The following PTPRJ variants were observed in gnomAD, a reference collection of about 807,000 sequenced individuals.
The protein encoded by PTPRJ is protein tyrosine phosphatase receptor type J.
PTPRJ carries 129 observed loss-of-function variants against 141.3 expected under a neutral mutation model. That is an observed-to-expected ratio of 0.91 (90% confidence interval 0.79 to 1.06). The LOEUF (loss-of-function observed/expected upper bound fraction) is 1.06, where lower values mean the gene tolerates loss of function less well. Among genes scored for constraint, PTPRJ ranks in the 50% least tolerant of loss-of-function variants. The pLI, the probability that PTPRJ is intolerant of heterozygous loss-of-function variation, is 0.00. For missense variants in PTPRJ, 1,601 were observed against 1,679.7 expected, an observed-to-expected ratio of 0.95 and a Z score of 0.82; for synonymous variants, 610 against 640.5, an observed-to-expected ratio of 0.95 and a Z score of 0.72.
intron 11 of PTPRJ, among the ~76,000 whole-genome samples, chr11:48,142,437 AAGT>A (rs1857253503): frequency 1.3e-5 from 2 of 152,078 alleles, no homozygotes; most frequent in Admixed American, 1.3e-4. Context: ...GAGTAGTGTC[AAGT>A]CTTCCAACAA....
chr11:48,063,639 C>T (rs1393011997), intron 1 of PTPRJ, among the ~76,000 whole-genome samples: 2 of 152,176 alleles, frequency 1.3e-5, no homozygotes, highest in Non-Finnish European at 2.9e-5. Flanking sequence ...CATTTTTAGG[C>T]TACTTTTGCT....
chr11:48,053,128 A>T (rs1225637826), intron 1 of PTPRJ, among the ~76,000 whole-genome samples: 3 of 118,464 alleles, frequency 2.5e-5, no homozygotes, highest in African/African-American at 3.3e-5. Flanking sequence ...TATTATATAT[A>T]AATATATAAA....
chr11:47,992,713 G>C (rs771654765), intron 1 of PTPRJ, among the ~76,000 whole-genome samples: 83 of 151,996 alleles, frequency 5.5e-4, no homozygotes, highest in Non-Finnish European at 1.0e-3. Context: ...TTTGAAACTG[G>C]GATGTAAAAT....
intron 18 of PTPRJ, among the ~76,000 whole-genome samples, chr11:48,151,987 G>C (rs1000716820): frequency 6.6e-6 from 1 of 152,174 alleles, no homozygotes; most frequent in Non-Finnish European, 1.5e-5. Context: ...GGGTCAAATG[G>C]TATTTCTAGT....
intron 1 of PTPRJ, among the ~76,000 whole-genome samples, chr11:48,061,316 G>T (rs999501296): frequency 6.6e-6 from 1 of 152,062 alleles, no homozygotes. Context: ...TCAGTTTCAC[G>T]CACACATAGG....
At chr11:47,984,018 T>TTA (rs1343319446) in intron 1 of PTPRJ, among the ~76,000 whole-genome samples, 4 of 152,124 alleles carry the variant, frequency 2.6e-5, no homozygotes, top group Non-Finnish European at 4.4e-5. Flanking sequence ...CTCATATGAG[T>TTA]GACTTTAAAT....
chr11:48,135,023 C>G (rs1264613155), intron 8 of PTPRJ, among the ~76,000 whole-genome samples: 1 of 152,142 alleles, frequency 6.6e-6, no homozygotes, highest in African/African-American at 2.4e-5. Context: ...AAAAAAACCT[C>G]TTTATTGAGA....
Position 48,170,773 on chromosome 11 carries a change from GA to G in PTPRJ, c.*3417del. On this transcript the variant is annotated 3_prime_UTR_variant, in exon 25 of 25. Transcript: ENST00000418331. ...GTTGGTTGCTTTTTTTTTTTTTAAG[GA>G]AAAAATGGCCTGAAAACATTTTTTT... 1 of 148,790 alleles carries G rather than the reference GA, an allele frequency of 6.7e-6. No individual in the cohort carries two copies. Among genetic ancestry groups the G allele is most frequent in the Admixed American group, 6.7e-5 (1 of 15,008 alleles). The allele number at this position is 148,790 out of a possible 1,614,324, so 9.2% of individuals were successfully genotyped here.
chr11:48,017,621 G>T (rs1224598588), intron 1 of PTPRJ, among the ~76,000 whole-genome samples: 1 of 152,178 alleles, frequency 6.6e-6, no homozygotes. Context: ...TAGCCACACT[G>T]AACAAGCCAC....
chr11:48,019,359 AC>A (rs1855046075), intron 1 of PTPRJ, among the ~76,000 whole-genome samples: 1 of 76,778 alleles, frequency 1.3e-5, no homozygotes, highest in Non-Finnish European at 2.7e-5. Context: ...CTGCCCCTCC[AC>A]CCCACCTTCC....
At chr11:47,996,009 G>T (rs1349844503) in intron 1 of PTPRJ, among the ~76,000 whole-genome samples, 1 of 150,858 alleles carries the variant, frequency 6.6e-6, no homozygotes, top group Non-Finnish European at 1.5e-5. Flanking sequence ...TTGCACTTCA[G>T]CCTGGGCAAC....
chr11:48,119,237 A>G (rs1437633703), intron 3 of PTPRJ, among the ~76,000 whole-genome samples: 2 of 152,176 alleles, frequency 1.3e-5, no homozygotes, highest in African/African-American at 2.4e-5. Flanking sequence ...CACAGTGGTC[A>G]TCTTCCAAAT....
At chr11:48,089,686 T>C (rs1008370165) in intron 1 of PTPRJ, among the ~76,000 whole-genome samples, 7 of 152,012 alleles carry the variant, frequency 4.6e-5, no homozygotes, top group African/African-American at 1.7e-4. Context: ...TTAAGTGGAG[T>C]TGATAGATTT....
At chr11:48,041,579 G>A (rs149223134) in intron 1 of PTPRJ, among the ~76,000 whole-genome samples, 1 of 152,250 alleles carries the variant, frequency 6.6e-6, no homozygotes, top group East Asian at 1.9e-4. Flanking sequence ...AAAGCTGAAA[G>A]GCTTTATCCC....
At chr11:48,150,746 C>A (rs1268740208) in intron 18 of PTPRJ, among the ~76,000 whole-genome samples, 2 of 152,198 alleles carry the variant, frequency 1.3e-5, no homozygotes, top group Non-Finnish European at 2.9e-5. Flanking sequence ...CCTTTCAGTT[C>A]CCCATGCTGT....
chr11:48,012,755 A>G (rs1854839192), intron 1 of PTPRJ, among the ~76,000 whole-genome samples: 1 of 152,198 alleles, frequency 6.6e-6, no homozygotes, highest in Non-Finnish European at 1.5e-5. Flanking sequence ...AATTAAAAAA[A>G]TACTAGCTTT....
chr11:48,086,212 C>T (rs779525697), intron 1 of PTPRJ, among the ~76,000 whole-genome samples: 2 of 152,110 alleles, frequency 1.3e-5, no homozygotes, highest in Admixed American at 1.3e-4. Flanking sequence ...GAGTCTCTGT[C>T]GCCCAGGCTG....
chr11:48,165,683 T>C (rs573652777), intron 24 of PTPRJ, among the ~76,000 whole-genome samples: 1 of 152,268 alleles, frequency 6.6e-6, no homozygotes, highest in South Asian at 2.1e-4. Context: ...ACTCCTGTGT[T>C]GGTCAAAAGA....
chr11:48,134,133 TGAAAAG>T (rs1444914530), intron 8 of PTPRJ, among the ~76,000 whole-genome samples: 2 of 152,316 alleles, frequency 1.3e-5, no homozygotes, highest in African/African-American at 4.8e-5. Flanking sequence ...ACAATAAAAA[TGAAAAG>T]GAACAAATAT....
Sources: allele counts gnomAD v4.1 joint callset (sites outside exome capture counted in the v4.1 genomes callset), GRCh38; gene constraint gnomAD v4.1.1; transcripts MANE v1.5; gene names NCBI Gene and HGNC (gene_info 2026-07-23, HGNC 2026-07-21).